SH3RF3: variants seen among roughly 807,000 people sequenced by gnomAD.
SH3RF3 encodes the protein SH3 domain containing ring finger 3, also known as E3 ubiquitin-protein ligase SH3RF3.
Under a neutral mutation model 66.3 loss-of-function variants are expected in SH3RF3, and 29 were observed. The ratio of observed to expected loss-of-function variants is 0.44; its 90% CI spans 0.33 to 0.60. The LOEUF (loss-of-function observed/expected upper bound fraction) is 0.60. SH3RF3 is among the 20% of genes least tolerant of loss of function. SH3RF3 has a pLI of 0.04. For missense variants in SH3RF3, 1,194 were observed against 1,190.9 expected, an observed-to-expected ratio of 1.00 and a Z score of -0.04; for synonymous variants, 583 against 532.0, an observed-to-expected ratio of 1.10 and a Z score of -1.32.
chr2:109,491,066 G>C (rs1218400974), intron 9 of SH3RF3, 130 bp downstream of exon 9: 19 of 831,786 alleles, frequency 2.3e-5, no homozygotes, highest in Non-Finnish European at 3.1e-5. Flanking sequence ...TCAACACCCA[G>C]ATCCACATGG....
intron 8 of SH3RF3, among the ~76,000 whole-genome samples, chr2:109,473,172 G>C (rs1287284383): frequency 6.6e-6 from 1 of 152,174 alleles, no homozygotes; most frequent in African/African-American, 2.4e-5. Context: ...CTCTGTGATG[G>C]ATTTTCCCAG....
At chr2:109,184,480 C>T (rs1324816031) in intron 1 of SH3RF3, among the ~76,000 whole-genome samples, 1 of 152,188 alleles carries the variant, frequency 6.6e-6, no homozygotes. Context: ...CTGTCTGTCC[C>T]AGCCGTGGGT....
chr2:109,362,504 G>A (rs116260060), intron 2 of SH3RF3, among the ~76,000 whole-genome samples: 195 of 152,290 alleles, frequency 1.3e-3, no homozygotes, highest in African/African-American at 4.4e-3. Flanking sequence ...CCTGGTGAAT[G>A]TTCCCTGTGG....
chr2:109,499,781 G>A (rs746288895), intron 9 of SH3RF3, among the ~76,000 whole-genome samples: 2 of 152,220 alleles, frequency 1.3e-5, no homozygotes, highest in Non-Finnish European at 2.9e-5. Flanking sequence ...ATGTGTGTGT[G>A]TGTCCTGTCA....
rs112769471 is a variant in SH3RF3, at chr2:109,291,673, A to G, written c.574-56001A>G. ...GGATATTGTTCCAGTGGGGTGTGAG[A>G]TCCTCTGGCCTTAAGTCGCTCCTCT... On this transcript the variant is annotated intron_variant, in intron 1 of 9. Transcript: ENST00000309415. Among the ~76,000 whole-genome samples, 551 of 152,154 alleles carry G rather than the reference A, an allele frequency of 3.6e-3. 5 individuals are homozygous for G. Among genetic ancestry groups the G allele is most frequent in the African/African-American group, 0.013 (524 of 41,508 alleles).
At chr2:109,471,710 C>G (rs1342669239) in intron 8 of SH3RF3, among the ~76,000 whole-genome samples, 1 of 152,210 alleles carries the variant, frequency 6.6e-6, no homozygotes, top group African/African-American at 2.4e-5. Flanking sequence ...TTTCCACTCA[C>G]CCCCTTGCTG....
chr2:109,474,940 T>C (rs1036826378), intron 8 of SH3RF3, among the ~76,000 whole-genome samples: 3 of 152,214 alleles, frequency 2.0e-5, no homozygotes, highest in Non-Finnish European at 2.9e-5. Flanking sequence ...CCTTTCAGTG[T>C]TTTTTGTCTT....
At chr2:109,332,441 C>T (rs1317565586) in intron 1 of SH3RF3, among the ~76,000 whole-genome samples, 3 of 152,188 alleles carry the variant, frequency 2.0e-5, no homozygotes, top group East Asian at 1.9e-4. Flanking sequence ...TCTTCCTGGA[C>T]GGGCTTGGGG....
intron 1 of SH3RF3, among the ~76,000 whole-genome samples, chr2:109,302,581 C>T (rs1681496364): frequency 6.6e-6 from 1 of 151,856 alleles, no homozygotes; most frequent in African/African-American, 2.4e-5. Context: ...GCTGACAGTG[C>T]TAAATTTTGA....
chr2:109,361,941 T>C (rs1019582630), intron 2 of SH3RF3, among the ~76,000 whole-genome samples: 5 of 152,220 alleles, frequency 3.3e-5, no homozygotes, highest in African/African-American at 1.2e-4. Context: ...ATTCCTGATA[T>C]TAGTACTTTG....
At chr2:109,387,400 G>A (rs1675851609) in intron 3 of SH3RF3, among the ~76,000 whole-genome samples, 1 of 152,172 alleles carries the variant, frequency 6.6e-6, no homozygotes, top group African/African-American at 2.4e-5. Context: ...TTCAGCACTA[G>A]TTGACCCCAT....
intron 3 of SH3RF3, among the ~76,000 whole-genome samples, chr2:109,382,606 C>T (rs1675722519): frequency 6.6e-6 from 1 of 152,180 alleles, no homozygotes; most frequent in African/African-American, 2.4e-5. Context: ...TCTCCAGGAC[C>T]TTCCTTTGGA....
intron 1 of SH3RF3, among the ~76,000 whole-genome samples, chr2:109,325,691 A>G (rs1682137759): frequency 6.6e-6 from 1 of 152,074 alleles, no homozygotes; most frequent in Non-Finnish European, 1.5e-5. Flanking sequence ...ATGCCCACTC[A>G]TCTCCTGGTT....
At chr2:109,168,267 C>T (rs1448355522) in intron 1 of SH3RF3, among the ~76,000 whole-genome samples, 3 of 152,200 alleles carry the variant, frequency 2.0e-5, no homozygotes, top group African/African-American at 7.2e-5. Flanking sequence ...CTGATGGGGT[C>T]TGACTGTTGG....
chr2:109,305,239 G>C (rs377134700), intron 1 of SH3RF3, among the ~76,000 whole-genome samples: 1 of 152,162 alleles, frequency 6.6e-6, no homozygotes, highest in East Asian at 1.9e-4. Context: ...ACCTGCTGAC[G>C]GTTTCCCCCT....
intron 1 of SH3RF3, among the ~76,000 whole-genome samples, chr2:109,254,713 G>A (rs1574532067): frequency 6.6e-6 from 1 of 152,162 alleles, no homozygotes; most frequent in African/African-American, 2.4e-5. Context: ...CTCTTTCTGT[G>A]CCAGCCGCTC....
intron 1 of SH3RF3, 46 bp downstream of exon 1, chr2:109,130,159 G>A: frequency 1.6e-6 from 2 of 1,264,038 alleles, no homozygotes; most frequent in Non-Finnish European, 2.0e-6. Flanking sequence ...GTGGGAGTGT[G>A]TGGGTGGGTG....
chr2:109,320,890 A>C (rs1280155090), intron 1 of SH3RF3, among the ~76,000 whole-genome samples: 1 of 152,194 alleles, frequency 6.6e-6, no homozygotes, highest in Non-Finnish European at 1.5e-5. Context: ...GATACTCATC[A>C]CCTGGGTTAA....
intron 3 of SH3RF3, 93 bp from the exon 4 acceptor site, chr2:109,398,497 T>G: frequency 8.7e-7 from 1 of 1,151,032 alleles, no homozygotes; most frequent in Admixed American, 2.5e-5. Flanking sequence ...ATTGCCAGTT[T>G]GTGAATGGAA....
Sources: gnomAD v4.1 joint callset for allele counts (sites outside exome capture counted in the v4.1 genomes callset) on GRCh38, gnomAD v4.1.1 for gene constraint, MANE v1.5 for transcripts, NCBI Gene and HGNC (gene_info 2026-07-23, HGNC 2026-07-21) for gene names.